The following BRWD1 variants were observed in gnomAD, a reference collection of about 807,000 sequenced individuals.
The protein encoded by BRWD1 is bromodomain and WD repeat-containing protein 1.
In BRWD1, 82 loss-of-function variants were observed where a neutral mutation model predicts 251.2. The observed-to-expected ratio is 0.33, with a 90% CI of 0.27 to 0.39. BRWD1 has a LOEUF of 0.39. Among genes scored for constraint, BRWD1 ranks in the 10% least tolerant of loss-of-function variants. The probability of loss-of-function intolerance (pLI) is 1.00; values close to 1 mark genes in which losing one functional copy is unlikely to be tolerated. For missense variants in BRWD1, 2,233 were observed against 2,711.6 expected (o/e 0.82, Z 3.92); for synonymous variants, 918 against 902.8 (o/e 1.02, Z -0.30).
chr21:39,293,848 A>G lies in BRWD1; in HGVS notation c.794T>C (p.Val265Ala). 3 of 1,614,200 alleles carry G rather than the reference A, an allele frequency of 1.9e-6. No individual in the cohort carries two copies. The highest frequency in any genetic ancestry group is 2.5e-6 in the Non-Finnish European group (3 of 1,180,030). Residue 265 changes from valine to alanine, a missense_variant, in exon 8 of 41, where the codon GTG becomes GCG. Val to Ala is a moderately conservative substitution (Grantham distance 64). Transcript: ENST00000342449. ...WCLRTCAPVA[V>A]LQGHTGSITS... ...AATTGATCCTGTGTGTCCTTGGAGC[A>G]CAGCAACTGGGGCACAAGTTCTCAA...
Position 39,225,088 on chromosome 21 carries a change from A to C in BRWD1, c.3318T>G (p.Val1106=). ...YPDSHFQCYI[V]RWDNTEIEKL... ...TTAGTTTTCATCTGTATACAAACCTAACAATATAACACTGGAAATGACTAT... is the reference window on the plus strand; with the variant it reads ...TTAGTTTTCATCTGTATACAAACCTCACAATATAACACTGGAAATGACTAT... Residue 1106 remains valine (V), a splice_region_variant and synonymous_variant, in exon 28 of 41, where the codon GTT becomes GTG. Transcript: ENST00000342449. The C allele has an allele frequency of 6.3e-7, 1 of 1,588,176 alleles. No homozygotes were observed. The highest frequency in any genetic ancestry group is 8.6e-7 in the Non-Finnish European group (1 of 1,156,590).
rs775485632 is a variant in BRWD1, at chr21:39,293,834, T to C, written c.808A>G (p.Thr270Ala). 1.9e-6 allele frequency: 3 copies of C among 1,614,034 alleles called. No homozygotes were observed. The African/African-American group carries it at 4.0e-5, about 22-fold the overall frequency. ...ACCTGTAAAGATGTAATTGATCCTG[T>C]GTGTCCTTGGAGCACAGCAACTGGG... ...CAPVAVLQGH[T>A]GSITSLQFSP... The change falls in exon 8 of 41, where the codon ACA (threonine) becomes GCA (alanine). Residue 270 changes from threonine (T) to alanine (A), a missense_variant. Thr to Ala is a moderately conservative substitution (Grantham distance 58). Around this residue, in one of 12 missense-constraint regions of BRWD1, gnomAD observed 185 missense variants for 260.6 expected, o/e 0.71. Coordinates refer to ENST00000342449, the MANE Select transcript of BRWD1 (RefSeq NM_033656.4).
chr21:39,230,756 T>A (rs1175148552), intron 25 of BRWD1, among the ~76,000 whole-genome samples: 1 of 151,276 alleles, frequency 6.6e-6, no homozygotes, highest in Non-Finnish European at 1.5e-5. Context: ...ATGGAAAACA[T>A]GTGGCACTGA....
At chr21:39,257,616 G>A (rs2034602123) in intron 18 of BRWD1, among the ~76,000 whole-genome samples, 1 of 151,968 alleles carries the variant, frequency 6.6e-6, no homozygotes, top group African/African-American at 2.4e-5. Context: ...AGTAAGTAAG[G>A]ACTCAAAATT....
intron 11 of BRWD1, 35 bp from the exon 12 acceptor site, chr21:39,276,248 C>T: frequency 6.4e-7 from 1 of 1,559,032 alleles, no homozygotes. Flanking sequence ...CAAAAATGAT[C>T]ATCTACATGG....
In BRWD1 at chr21:39,190,407, T is replaced by A; in HGVS notation, c.*5852A>T. On this transcript the variant is annotated 3_prime_UTR_variant, in exon 41 of 41. Transcript: ENST00000342449. ...AACAGATTTGAGAATGAGAAAAGAA[T>A]GTCTGACTCAAAATGAAAACATACT... is the stretch of plus-strand genomic sequence containing the variant. The A allele has an allele frequency of 1.0e-6, 1 of 985,346 alleles. No homozygotes were observed. Among genetic ancestry groups the A allele is most frequent in the Non-Finnish European group, 1.2e-6 (1 of 829,890 alleles). The allele number at this position is 985,346 out of a possible 1,614,324, so 61.0% of individuals were successfully genotyped here.
intron 13 of BRWD1, among the ~76,000 whole-genome samples, chr21:39,271,890 T>G (rs540944125): frequency 1.3e-5 from 2 of 149,854 alleles, no homozygotes; most frequent in South Asian, 4.2e-4. Flanking sequence ...AATACAAAAA[T>G]TAGCTGGGCG....
chr21:39,229,643 A>G (rs2033529334), intron 25 of BRWD1, among the ~76,000 whole-genome samples: 1 of 152,220 alleles, frequency 6.6e-6, no homozygotes, highest in Admixed American at 6.5e-5. Context: ...CATCCTTTAG[A>G]AAATACATTA....
Position 39,191,995 on chromosome 21 carries a change from C to G in BRWD1, c.*4264G>C, listed in dbSNP as rs2031577712. 4 of 985,064 alleles carry G rather than the reference C, an allele frequency of 4.1e-6. No individual in the cohort carries two copies. The highest frequency in any genetic ancestry group is 1.2e-4 in the Admixed American group (2 of 16,248). The allele number at this position is 985,064 out of a possible 1,614,324, so 61.0% of individuals were successfully genotyped here. A position where few individuals can be genotyped will look rare whatever the true frequency, so the allele number is the denominator to read the frequency against. ...TACATGTTGCCAAAGATAGAGCCTG[C>G]AGATTGGTAGAATCCAAATGATGTG... On this transcript the variant is annotated 3_prime_UTR_variant, in exon 41 of 41. Transcript: ENST00000342449.
rs113693408 is a variant in BRWD1, at chr21:39,301,545, C to T, written c.199-2963G>A. Among the ~76,000 whole-genome samples, 439 of 152,268 alleles carry T rather than the reference C, an allele frequency of 2.9e-3. 2 individuals are homozygous for T. Among genetic ancestry groups the T allele is most frequent in the African/African-American group, 0.01 (416 of 41,550 alleles). ...TACATGAGCTTGGAAGCCTATTCCT[C>T]CCGTCAAGCCTTCAGCTAAAACCCC... On this transcript the variant is annotated intron_variant, in intron 4 of 40. Transcript: ENST00000342449.
chr21:39,200,535 T>C (rs2032056722), intron 38 of BRWD1, 149 bp from the exon 39 acceptor site: 1 of 629,098 alleles, frequency 1.6e-6, no homozygotes, highest in African/African-American at 1.9e-5. Context: ...TAAAAACCAT[T>C]CCCAAAAAAA....
upstream of BRWD1, among the ~76,000 whole-genome samples, chr21:39,318,748 A>T (rs1264303979): frequency 2.6e-5 from 4 of 152,062 alleles, no homozygotes; most frequent in Non-Finnish European, 5.9e-5. Context: ...ACCGCTGAGT[A>T]CTTGAGACTA....
At chr21:39,314,011 C>T (rs531277381), upstream of BRWD1, 32 of 453,096 alleles carry the variant, frequency 7.1e-5, no homozygotes, top group African/African-American at 2.4e-4. Context: ...CCTGGGTCCT[C>T]TACGCGGGAC....
At chr21:39,250,721 GT>G (rs2034367081) in intron 20 of BRWD1, 74 bp downstream of exon 20, 7 of 969,696 alleles carry the variant, frequency 7.2e-6, no homozygotes, top group Non-Finnish European at 1.1e-5. Context: ...GTTACTGATA[GT>G]TTTATAAATC....
rs777042614 is a variant in BRWD1, at chr21:39,187,386, T to G, written c.*8873A>C. 9 of 1,590,122 alleles carry G rather than the reference T, an allele frequency of 5.7e-6. No homozygotes were observed. Among genetic ancestry groups the G allele is most frequent in the East Asian group, 2.2e-5 (1 of 44,604 alleles). On this transcript the variant is annotated 3_prime_UTR_variant, in exon 41 of 41. Transcript: ENST00000342449. ...GATTATGCATACATGTTCTCACTTT[T>G]GTATTGGGTTCTCTGTCTCTAGGAA...
intron 13 of BRWD1, among the ~76,000 whole-genome samples, chr21:39,271,575 T>G (rs757618426): frequency 6.6e-6 from 1 of 150,612 alleles, no homozygotes; most frequent in African/African-American, 2.4e-5. Flanking sequence ...TGGGCACCTG[T>G]AGTCCCTACT....
chr21:39,313,894 G>T, upstream of BRWD1: 1 of 322,728 alleles, frequency 3.1e-6, no homozygotes, highest in Non-Finnish European at 5.9e-6. Context: ...CGGCTGCCCG[G>T]GCTTTGTGAG....
intron 13 of BRWD1, among the ~76,000 whole-genome samples, chr21:39,274,154 T>C (rs1469358986): frequency 1.3e-5 from 2 of 152,232 alleles, no homozygotes; most frequent in African/African-American, 4.8e-5. Context: ...GTACATGTTA[T>C]TCTTTGCTAT....
intron 4 of BRWD1, among the ~76,000 whole-genome samples, chr21:39,310,522 G>A (rs531169259): frequency 6.6e-6 from 1 of 152,180 alleles, no homozygotes; most frequent in South Asian, 2.1e-4. Flanking sequence ...AGCTACTGAG[G>A]AGGCTGAGGC....
Sources: allele counts gnomAD v4.1 joint callset (sites outside exome capture counted in the v4.1 genomes callset), GRCh38; gene constraint gnomAD v4.1.1; regional missense constraint gnomAD v4.1.1; transcripts MANE v1.5; gene names NCBI Gene and HGNC (gene_info 2026-07-23, HGNC 2026-07-21).